KCNE2: variants seen among roughly 807,000 people sequenced by gnomAD.
KCNE2 encodes the protein potassium voltage-gated channel subfamily E member 2.
Under a neutral mutation model 4.5 loss-of-function variants are expected in KCNE2, and 4 were observed. The observed-to-expected ratio is 0.89, with a 90% confidence interval of 0.44 to 2.03. KCNE2 has a LOEUF of 2.03. Ranked by LOEUF, KCNE2 falls within the 30% of genes most tolerant of loss-of-function variation. The pLI is 0.03. For missense variants in KCNE2, 137 were observed against 151.4 expected (o/e 0.90, Z 0.50); for synonymous variants, 57 against 55.9 (o/e 1.02, Z -0.09).
chr21:34,370,363 C>T (rs1979519330), intron 1 of KCNE2, 104 bp from the exon 2 acceptor site: 1 of 1,336,874 alleles, frequency 7.5e-7, no homozygotes, highest in African/African-American at 1.5e-5. Context: ...AGAAGAAATA[C>T]TATTACTTAT....
intron 1 of KCNE2, among the ~76,000 whole-genome samples, chr21:34,364,730 G>A (rs2123417736): frequency 6.6e-6 from 1 of 151,028 alleles, no homozygotes; most frequent in East Asian, 1.9e-4. Context: ...CCGAGATCAC[G>A]CCACTGCACT....
chr21:34,367,068 G>C (rs1405012249), intron 1 of KCNE2, among the ~76,000 whole-genome samples: 3 of 150,718 alleles, frequency 2.0e-5, no homozygotes, highest in Admixed American at 6.6e-5. Flanking sequence ...CCTAGACCTG[G>C]GGAGGTCAGG....
chr21:34,366,323 A>G (rs1046548881), intron 1 of KCNE2, among the ~76,000 whole-genome samples: 14 of 152,136 alleles, frequency 9.2e-5, no homozygotes, highest in Admixed American at 2.6e-4. Flanking sequence ...ATTAAGTCAC[A>G]TCATTTTATT....
intron 1 of KCNE2, among the ~76,000 whole-genome samples, chr21:34,368,246 A>C (rs1440548311): frequency 2.9e-5 from 3 of 104,712 alleles, no homozygotes; most frequent in African/African-American, 1.3e-4. Context: ...ATATATATAT[A>C]TATATATATA....
At position 34,366,707 on chromosome 21, in the gene KCNE2, C is replaced by T. The variant is rs143768481; in HGVS notation, c.-13+2556C>T. ...TCAAAAACGAAAACAAGGCCGGGCA[C>T]GGTGGCTCACGCCTGTAATCCCAGC... On this transcript the variant is annotated intron_variant, in intron 1 of 1. Coordinates refer to ENST00000290310, the MANE Select transcript of KCNE2 (RefSeq NM_172201.2). 6.2e-3 allele frequency among the ~76,000 whole-genome samples: 942 copies of T among 152,122 alleles called. 11 individuals are homozygous for T. The highest frequency in any genetic ancestry group is 0.048 in the South Asian group (231 of 4,818).
rs538932486 is a variant in KCNE2 at position 34,364,390 on chromosome 21, G to C, written c.-13+239G>C. On this transcript the variant is annotated intron_variant, in intron 1 of 1. Coordinates refer to ENST00000290310, the MANE Select transcript of KCNE2 (RefSeq NM_172201.2). ...CATGGTAAACGTAGGTAATCATATT[G>C]TTTTCTCTTCTTGATATAAAAATGA... Among the ~76,000 whole-genome samples the C allele has an allele frequency of 2.6e-5, 4 of 152,224 alleles. No homozygotes were observed. The South Asian group carries it at 8.3e-4, about 32-fold the overall frequency.
At chr21:34,366,717 C>T (rs1979309299) in intron 1 of KCNE2, among the ~76,000 whole-genome samples, 2 of 151,964 alleles carry the variant, frequency 1.3e-5, no homozygotes, top group Non-Finnish European at 2.9e-5. Context: ...CGGTGGCTCA[C>T]GCCTGTAATC....
intron 1 of KCNE2, among the ~76,000 whole-genome samples, chr21:34,369,016 A>G (rs1184177412): frequency 2.0e-5 from 3 of 152,084 alleles, no homozygotes; most frequent in Non-Finnish European, 4.4e-5. Context: ...AGAGAAAGGC[A>G]AAGGCATTCT....
intron 1 of KCNE2, 130 bp from the exon 2 acceptor site, chr21:34,370,337 A>T: frequency 9.2e-7 from 1 of 1,089,774 alleles, no homozygotes; most frequent in Non-Finnish European, 1.4e-6. Context: ...TATGCATTAA[A>T]TCACCAGCCA....
Position 34,370,788 on chromosome 21 carries a change from G to T in KCNE2, c.310G>T (p.Glu104Ter), listed in dbSNP as rs1279376755. The change falls in exon 2 of 2, where the codon GAA becomes TAA. Residue 104 changes from glutamate (E) to a stop codon, truncating the protein, a stop_gained. Transcript: ENST00000290310. LOFTEE classifies it low-confidence loss of function (END_TRUNC). ...EKYKSQILNL[E>*]ESKATIHENI... is the part of the protein sequence containing the mutation. ...GTACAAGAGCCAAATCTTGAATCTA[G>T]AAGAATCGAAGGCCACCATCCATGA... 1 of 1,614,108 alleles carries T rather than the reference G, an allele frequency of 6.2e-7. No individual in the cohort carries two copies. The highest frequency in any genetic ancestry group is 8.5e-7 in the Non-Finnish European group (1 of 1,180,044).
intron 1 of KCNE2, 113 bp from the exon 2 acceptor site, chr21:34,370,354 G>A: frequency 7.9e-7 from 1 of 1,263,960 alleles, no homozygotes; most frequent in Non-Finnish European, 1.1e-6. Context: ...GCCAGGTTAA[G>A]AAGAAATACT....
In KCNE2 at chr21:34,370,883, G is replaced by A. The variant is rs193181183; in HGVS notation, c.*33G>A. The A allele has an allele frequency of 2.0e-4, 318 of 1,612,676 alleles. 1 individual carries two copies. In the African/African-American group the frequency reaches 3.5e-3, roughly 18 times the overall value. On this transcript the variant is annotated 3_prime_UTR_variant, in exon 2 of 2. Transcript: ENST00000290310. Reference sequence around the variant, plus strand: ...GAAAGGCACCAAGCTAACATCTGACGTCCAGACATGAAGAGATGCCAGTGC... The same window carrying A: ...GAAAGGCACCAAGCTAACATCTGACATCCAGACATGAAGAGATGCCAGTGC...
Position 34,370,952 on chromosome 21 carries a change from TC to T in KCNE2, c.*104del. The T allele has an allele frequency of 7.0e-7, 1 of 1,432,830 alleles. No homozygotes were observed. The highest frequency in any genetic ancestry group is 1.2e-5 in the South Asian group (1 of 84,244). 88.8% of individuals were successfully genotyped at this position (1,432,830 alleles called of 1,614,324 possible). A position where few individuals can be genotyped will look rare whatever the true frequency, so the allele number is the denominator to read the frequency against. ...TGTCTTTGCTTAGAAGAAAGTGAGT[TC>T]CTTGCTCTCTGTTGAGAATTTTCAT... On this transcript the variant is annotated 3_prime_UTR_variant, in exon 2 of 2. Coordinates refer to ENST00000290310, the MANE Select transcript of KCNE2 (RefSeq NM_172201.2).
Position 34,364,334 on chromosome 21 carries a change from A to G in KCNE2, c.-13+183A>G, listed in dbSNP as rs1979202762. Among the ~76,000 whole-genome samples, 3 of 152,190 alleles carry G rather than the reference A, an allele frequency of 2.0e-5. No individual in the cohort carries two copies. The South Asian group carries it at 6.2e-4, about 32-fold the overall frequency. On this transcript the variant is annotated intron_variant, in intron 1 of 1. Coordinates refer to ENST00000290310, the MANE Select transcript of KCNE2 (RefSeq NM_172201.2). ...TTTCTTTGTTAATTGCCTTAGAATG[A>G]AAATTTTGAGAGTTTTTAAAATGGA...
At chr21:34,366,160 C>T (rs1296457425) in intron 1 of KCNE2, among the ~76,000 whole-genome samples, 1 of 152,142 alleles carries the variant, frequency 6.6e-6, no homozygotes, top group Admixed American at 6.5e-5. Context: ...TGGAAACAAA[C>T]CCAAATGACT....
At chr21:34,370,395 C>A in intron 1 of KCNE2, 72 bp from the exon 2 acceptor site, 1 of 1,596,196 alleles carries the variant, frequency 6.3e-7, no homozygotes, top group South Asian at 1.1e-5. Flanking sequence ...TCCCTCCCAC[C>A]TTTACATAGC....
intron 1 of KCNE2, among the ~76,000 whole-genome samples, chr21:34,366,829 A>G (rs1979322126): frequency 6.6e-6 from 1 of 151,762 alleles, no homozygotes; most frequent in Non-Finnish European, 1.5e-5. Context: ...AATACAAAAA[A>G]TTAGCCGGGC....
At chr21:34,366,180 TTCAGCACTGAAG>T (rs1979283561) in intron 1 of KCNE2, among the ~76,000 whole-genome samples, 1 of 152,176 alleles carries the variant, frequency 6.6e-6, no homozygotes, top group Non-Finnish European at 1.5e-5. Flanking sequence ...TCCAGTGGAA[TTCAGCACTGAAG>T]TCCCTCATCT....
At chr21:34,370,322 C>A in intron 1 of KCNE2, 145 bp from the exon 2 acceptor site, 1 of 915,388 alleles carries the variant, frequency 1.1e-6, no homozygotes, top group Non-Finnish European at 1.7e-6. Flanking sequence ...TAAAGACTAA[C>A]AAAATATGCA....
Sources: gnomAD v4.1 joint callset for allele counts (sites outside exome capture counted in the v4.1 genomes callset) on GRCh38, gnomAD v4.1.1 for gene constraint, MANE v1.5 for transcripts, NCBI Gene and HGNC (gene_info 2026-07-23, HGNC 2026-07-21) for gene names.